CACNA1D: variants seen among roughly 807,000 people sequenced by gnomAD.
CACNA1D encodes the protein calcium voltage-gated channel subunit alpha1 D.
CACNA1D carries 55 observed loss-of-function variants against 257.1 expected under a neutral mutation model. The ratio of observed to expected loss-of-function variants is 0.21; its 90% CI spans 0.17 to 0.27. The LOEUF is 0.27. CACNA1D is among the 10% of genes least tolerant of loss of function. CACNA1D has a pLI of 1.00. For synonymous variants in CACNA1D, 980 were observed against 1,014.9 expected (o/e 0.97, Z 0.65); for missense variants, 1,876 against 2,784.0 (o/e 0.67, Z 7.34).
chr3:53,612,724 T>C (rs1424299188), intron 3 of CACNA1D, among the ~76,000 whole-genome samples: 4 of 152,280 alleles, frequency 2.6e-5, no homozygotes, highest in African/African-American at 9.6e-5. Context: ...TGTGTTCTGC[T>C]TGGCGCCCCC....
At chr3:53,507,072 C>CAAAAAAA (rs781421977) in intron 3 of CACNA1D, among the ~76,000 whole-genome samples, 8 of 56,664 alleles carry the variant, frequency 1.4e-4, no homozygotes, top group Non-Finnish European at 1.7e-4. Context: ...GACTCTATCT[C>CAAAAAAA]AAAAAAAAAA....
intron 3 of CACNA1D, among the ~76,000 whole-genome samples, chr3:53,565,432 G>T (rs1042210134): frequency 6.6e-6 from 1 of 152,128 alleles, no homozygotes; most frequent in African/African-American, 2.4e-5. Context: ...AAATTTAGCA[G>T]ATATAATTTC....
At position 53,666,331 on chromosome 3, in the gene CACNA1D, G is replaced by T; in HGVS notation, c.920-8G>T. The T allele has an allele frequency of 6.2e-7, 1 of 1,613,298 alleles. No homozygotes were observed. Among genetic ancestry groups the T allele is most frequent in the Non-Finnish European group, 8.5e-7 (1 of 1,179,698 alleles). ...CTGAGCGGTACAGCCTGTTTGCTCT[G>T]TTTGCAGATATCGTAGCTGAAGAGG... On this transcript the variant is annotated splice_polypyrimidine_tract_variant and splice_region_variant and intron_variant, in intron 6 of 47. Coordinates refer to ENST00000350061, the MANE Select transcript of CACNA1D (RefSeq NM_001128840.3).
intron 17 of CACNA1D, 52 bp from the exon 18 acceptor site, chr3:53,731,964 A>T: frequency 8.5e-7 from 1 of 1,177,288 alleles, no homozygotes; most frequent in South Asian, 1.2e-5. Flanking sequence ...TTCCTCTCTG[A>T]AGTGATTTTA....
At chr3:53,603,233 G>A (rs1156350512) in intron 3 of CACNA1D, among the ~76,000 whole-genome samples, 1 of 152,208 alleles carries the variant, frequency 6.6e-6, no homozygotes, top group African/African-American at 2.4e-5. Context: ...ACTTCAGCCA[G>A]TCACTGAAAC....
intron 10 of CACNA1D, 182 bp downstream of exon 10, chr3:53,718,570 TCCC>T: frequency 1.4e-6 from 1 of 717,966 alleles, no homozygotes. Context: ...CCTGCACACC[TCCC>T]CACCCCCCGC....
At chr3:53,550,392 A>G (rs1305145688) in intron 3 of CACNA1D, among the ~76,000 whole-genome samples, 2 of 152,144 alleles carry the variant, frequency 1.3e-5, no homozygotes, top group Non-Finnish European at 2.9e-5. Flanking sequence ...CTCCCTCAGC[A>G]CCATCTCGCA....
chr3:53,696,164 C>T lies in CACNA1D; in HGVS notation c.1221-6477C>T, dbSNP rs545406011. Among the ~76,000 whole-genome samples the T allele has an allele frequency of 2.0e-5, 3 of 152,288 alleles. No individual in the cohort carries two copies. In the South Asian group the frequency reaches 6.2e-4, roughly 32 times the overall value. On this transcript the variant is annotated intron_variant, in intron 8 of 47. Coordinates refer to ENST00000350061, the MANE Select transcript of CACNA1D (RefSeq NM_001128840.3). ...AAATTATTTTGTAGAGATGGGGTCTCACTCTGTTGCCCATGCTGGTCTCGA... is the reference window on the plus strand; with the variant it reads ...AAATTATTTTGTAGAGATGGGGTCTTACTCTGTTGCCCATGCTGGTCTCGA...
chr3:53,533,003 G>A (rs1202065977), intron 3 of CACNA1D, among the ~76,000 whole-genome samples: 1 of 152,174 alleles, frequency 6.6e-6, no homozygotes, highest in Non-Finnish European at 1.5e-5. Flanking sequence ...TGAGGATGCT[G>A]AGATACAAAC....
intron 3 of CACNA1D, 136 bp downstream of exon 3, chr3:53,501,856 G>A: frequency 1.5e-6 from 1 of 653,628 alleles, no homozygotes; most frequent in Non-Finnish European, 2.8e-6. Flanking sequence ...TTGCAACAGT[G>A]GTTTTTTGTT....
intron 3 of CACNA1D, among the ~76,000 whole-genome samples, chr3:53,559,579 T>G (rs539664811): frequency 2.7e-4 from 41 of 152,214 alleles, no homozygotes; most frequent in Non-Finnish European, 5.4e-4. Context: ...CTGTTTCTTT[T>G]GTGTGCAATC....
chr3:53,523,329 G>T (rs918758770), intron 3 of CACNA1D, among the ~76,000 whole-genome samples: 1 of 151,974 alleles, frequency 6.6e-6, no homozygotes, highest in Non-Finnish European at 1.5e-5. Flanking sequence ...AGGTCAACAG[G>T]CTATGGAAAA....
At chr3:53,532,693 T>A (rs1028277460) in intron 3 of CACNA1D, among the ~76,000 whole-genome samples, 3 of 152,142 alleles carry the variant, frequency 2.0e-5, no homozygotes, top group Non-Finnish European at 4.4e-5. Context: ...TTTTGATGCG[T>A]TTTTTCAAAA....
Position 53,751,408 on chromosome 3 carries a change from CA to C in CACNA1D, c.3517-340del, listed in dbSNP as rs2095224830. Among the ~76,000 whole-genome samples, 1 of 152,232 alleles carries C rather than the reference CA, an allele frequency of 6.6e-6. No homozygotes were observed. The highest frequency in any genetic ancestry group is 6.5e-5 in the Admixed American group (1 of 15,292). On this transcript the variant is annotated intron_variant, in intron 27 of 47. Coordinates refer to ENST00000350061, the MANE Select transcript of CACNA1D (RefSeq NM_001128840.3). This position sits in a 1 kb window ranked among gnomAD's most constrained non-coding sequence, Gnocchi z 4.3. ...GAAAGGCAGTGATAAGGCCTGGACC[CA>C]GTCCTCACTCCTGCTTGTGTATACA...
At position 53,789,351 on chromosome 3, in the gene CACNA1D, A is replaced by AT. The variant is rs573548143; in HGVS notation, c.4923+2407dup. 2.6e-5 allele frequency among the ~76,000 whole-genome samples: 4 copies of AT among 152,150 alleles called. No homozygotes were observed. The highest frequency in any genetic ancestry group is 6.5e-5 in the Admixed American group (1 of 15,282). On this transcript the variant is annotated intron_variant, in intron 40 of 47. Coordinates refer to ENST00000350061, the MANE Select transcript of CACNA1D (RefSeq NM_001128840.3). This position sits in a 1 kb window ranked among gnomAD's most constrained non-coding sequence, Gnocchi z 4.2. ...TGATTCTGAAACATTAAACATAGAC[A>AT]TTTTTTTTGTCTCCTTGAAGGATAA...
chr3:53,775,181 G>C (rs1157131935), intron 34 of CACNA1D, among the ~76,000 whole-genome samples: 1 of 152,188 alleles, frequency 6.6e-6, no homozygotes, highest in East Asian at 1.9e-4. Context: ...TATTTCTAAT[G>C]ACTCTAGTGA....
chr3:53,600,939 G>A (rs1021363674), intron 3 of CACNA1D, among the ~76,000 whole-genome samples: 11 of 152,120 alleles, frequency 7.2e-5, no homozygotes, highest in Non-Finnish European at 1.3e-4. Flanking sequence ...CCACTCCAGC[G>A]GTGAGTCCAT....
At chr3:53,575,664 C>T (rs1215599306) in intron 3 of CACNA1D, among the ~76,000 whole-genome samples, 2 of 152,114 alleles carry the variant, frequency 1.3e-5, no homozygotes, top group Non-Finnish European at 2.9e-5. Flanking sequence ...ATAGCAGTGT[C>T]CCTTCATGCG....
intron 3 of CACNA1D, among the ~76,000 whole-genome samples, chr3:53,560,255 A>G (rs998919488): frequency 6.6e-6 from 1 of 151,820 alleles, no homozygotes; most frequent in African/African-American, 2.4e-5. Context: ...TCATTTCTCA[A>G]TCTATTTGTT....
Sources: gnomAD v4.1 joint callset for allele counts (sites outside exome capture counted in the v4.1 genomes callset) on GRCh38, gnomAD v4.1.1 for gene constraint, Gnocchi (gnomAD v3.1) non-coding constraint, MANE v1.5 for transcripts, NCBI Gene and HGNC (gene_info 2026-07-23, HGNC 2026-07-21) for gene names.